TM9SF3: variants seen among roughly 807,000 people sequenced by gnomAD.
The protein encoded by TM9SF3 is transmembrane 9 superfamily member 3.
A neutral mutation model predicts 78.6 loss-of-function variants in TM9SF3; 14 were observed. That is an observed-to-expected ratio of 0.18 (90% confidence interval 0.12 to 0.28). The LOEUF is 0.28. Among genes scored for constraint, TM9SF3 ranks in the 10% least tolerant of loss-of-function variants. The pLI, the probability that TM9SF3 is intolerant of heterozygous loss-of-function variation, is 1.00. For synonymous variants in TM9SF3, 231 were observed against 241.7 expected, an observed-to-expected ratio of 0.96 and a Z score of 0.41; for missense variants, 496 against 721.9, an observed-to-expected ratio of 0.69 and a Z score of 3.59.
chr10:96,579,319 C>A (rs529440973), intron 1 of TM9SF3, among the ~76,000 whole-genome samples: 16 of 152,256 alleles, frequency 1.1e-4, no homozygotes, highest in African/African-American at 3.9e-4. Context: ...AGCACCTTGC[C>A]ATTAACCCTG....
chr10:96,581,324 A>G (rs1258562133), intron 1 of TM9SF3, among the ~76,000 whole-genome samples: 3 of 152,240 alleles, frequency 2.0e-5, no homozygotes, highest in East Asian at 1.9e-4. Context: ...AGAAATCACA[A>G]TTTACATAGA....
rs77419634 is a variant in TM9SF3, at chr10:96,578,100, C to T, written c.103-1271G>A. On this transcript the variant is annotated intron_variant, in intron 1 of 14. Coordinates refer to ENST00000371142, the MANE Select transcript of TM9SF3 (RefSeq NM_020123.4). ...AAAAACATTAACTTGTATGTTCTTA[C>T]CAAAAACATCTGCCTTTTTCTTTTG... 7.6e-3 allele frequency among the ~76,000 whole-genome samples: 1,154 copies of T among 152,260 alleles called. 30 individuals carry two copies. The highest frequency in any genetic ancestry group is 0.063 in the East Asian group (326 of 5,182).
At chr10:96,572,741 C>T (rs1250060588) in intron 2 of TM9SF3, among the ~76,000 whole-genome samples, 1 of 151,652 alleles carries the variant, frequency 6.6e-6, no homozygotes, top group Non-Finnish European at 1.5e-5. Context: ...TGGTCTCGAC[C>T]CCCTGACCTC....
chr10:96,553,666 C>T (rs1848201614), intron 5 of TM9SF3, among the ~76,000 whole-genome samples: 1 of 152,188 alleles, frequency 6.6e-6, no homozygotes, highest in African/African-American at 2.4e-5. Context: ...AGTTCATCCT[C>T]ACCCTGTCAC....
intron 8 of TM9SF3, among the ~76,000 whole-genome samples, chr10:96,547,683 G>A (rs1848118697): frequency 3.9e-5 from 6 of 152,126 alleles, no homozygotes; most frequent in Admixed American, 2.6e-4. Context: ...GCTGGGCATG[G>A]TGGCACACAC....
intron 8 of TM9SF3, among the ~76,000 whole-genome samples, chr10:96,547,261 T>C (rs987293792): frequency 2.0e-4 from 31 of 152,246 alleles, no homozygotes. Context: ...CCATTACACA[T>C]GCCTTTATAT....
At chr10:96,575,803 C>T (rs112683272) in intron 2 of TM9SF3, among the ~76,000 whole-genome samples, 51 of 150,516 alleles carry the variant, frequency 3.4e-4, no homozygotes, top group African/African-American at 1.2e-3. Flanking sequence ...AAAACCAAGA[C>T]ACCTAATCAA....
At chr10:96,538,306 G>A (rs776855042) in intron 9 of TM9SF3, among the ~76,000 whole-genome samples, 2 of 152,092 alleles carry the variant, frequency 1.3e-5, no homozygotes, top group African/African-American at 2.4e-5. Flanking sequence ...AAATGGTGCT[G>A]GAACAACTGA....
Position 96,550,878 on chromosome 10 carries a change from T to C in TM9SF3, c.959+367A>G, listed in dbSNP as rs558262164. The stretch of plus-strand genomic sequence containing the variant: ...ATCTGAAGGTAAATATGAAGTAACT[T>C]AGTAACTGAAATTCTTGAACTTCTG... On this transcript the variant is annotated intron_variant, in intron 7 of 14. Coordinates refer to ENST00000371142, the MANE Select transcript of TM9SF3 (RefSeq NM_020123.4). Among the ~76,000 whole-genome samples, 28 of 152,332 alleles carry C rather than the reference T, an allele frequency of 1.8e-4. 1 individual carries two copies. Among genetic ancestry groups the C allele is most frequent in the Admixed American group, 1.7e-3 (26 of 15,302 alleles).
At chr10:96,533,843 GACCAT>G (rs1471415192) in intron 9 of TM9SF3, among the ~76,000 whole-genome samples, 14 of 152,162 alleles carry the variant, frequency 9.2e-5, no homozygotes, top group African/African-American at 3.4e-4. Context: ...TTACAGAGAA[GACCAT>G]ACGGAGATTT....
chr10:96,584,405 A>G (rs1848607140), intron 1 of TM9SF3, among the ~76,000 whole-genome samples: 1 of 152,274 alleles, frequency 6.6e-6, no homozygotes, highest in Non-Finnish European at 1.5e-5. Flanking sequence ...AGAAAAAGCA[A>G]AAGATTTTGG....
intron 14 of TM9SF3, among the ~76,000 whole-genome samples, chr10:96,526,153 G>C (rs1473713972): frequency 6.6e-6 from 1 of 152,098 alleles, no homozygotes; most frequent in Non-Finnish European, 1.5e-5. Context: ...GAGGAAGAAA[G>C]GTTAAATAAT....
intron 8 of TM9SF3, among the ~76,000 whole-genome samples, chr10:96,546,102 C>T (rs7068211): frequency 0.99 from 151,115 of 152,308 alleles, 74,976 homozygotes; most frequent in Middle Eastern, 1. Context: ...ACTAGATCTA[C>T]AGCATTATAG....
intron 6 of TM9SF3, 71 bp downstream of exon 6, chr10:96,552,857 T>C: frequency 7.5e-7 from 1 of 1,339,090 alleles, no homozygotes; most frequent in Non-Finnish European, 9.6e-7. Context: ...AATTATGACC[T>C]ACCTCCCAAC....
chr10:96,543,256 T>C (rs1439985278), intron 9 of TM9SF3, among the ~76,000 whole-genome samples: 1 of 152,192 alleles, frequency 6.6e-6, no homozygotes, highest in African/African-American at 2.4e-5. Context: ...TCAAAGCATT[T>C]CCAAGACTGT....
intron 3 of TM9SF3, among the ~76,000 whole-genome samples, chr10:96,564,724 A>G (rs1326833262): frequency 1.3e-5 from 2 of 152,242 alleles, no homozygotes; most frequent in East Asian, 1.9e-4. Flanking sequence ...CATATTGGCC[A>G]TGACAGCTGG....
At chr10:96,582,272 AAGAC>A (rs1389004484) in intron 1 of TM9SF3, among the ~76,000 whole-genome samples, 1 of 152,228 alleles carries the variant, frequency 6.6e-6, no homozygotes, top group Non-Finnish European at 1.5e-5. Flanking sequence ...TTACATGTAA[AAGAC>A]AGGTAGAAAA....
intron 2 of TM9SF3, among the ~76,000 whole-genome samples, chr10:96,571,871 A>G (rs1185016552): frequency 6.6e-6 from 1 of 152,166 alleles, no homozygotes; most frequent in Non-Finnish European, 1.5e-5. Context: ...CAAATGGGGG[A>G]AGGGGAAGGA....
intron 4 of TM9SF3, among the ~76,000 whole-genome samples, chr10:96,561,733 C>T (rs2134150572): frequency 6.6e-6 from 1 of 152,324 alleles, no homozygotes; most frequent in Non-Finnish European, 1.5e-5. Flanking sequence ...CAACAGTAAA[C>T]TTGGCTGTAC....
Sources: allele counts gnomAD v4.1 joint callset (sites outside exome capture counted in the v4.1 genomes callset), GRCh38; gene constraint gnomAD v4.1.1; transcripts MANE v1.5; gene names NCBI Gene and HGNC (gene_info 2026-07-23, HGNC 2026-07-21).